Variants in C14orf132 observed in about 807,000 individuals in gnomAD.
C14orf132 encodes the protein chromosome 14 open reading frame 132, also known as uncharacterized protein C14orf132.
C14orf132 carries 6 observed loss-of-function variants against 5.8 expected under a neutral mutation model. The observed-to-expected ratio is 1.03, with a 90% CI of 0.57 to 2.04. The LOEUF is 2.04. C14orf132 is among the 30% of genes most tolerant of loss of function. The pLI is 0.00. For missense variants in C14orf132, 125 were observed against 115.8 expected (o/e 1.08, Z -0.37); for synonymous variants, 51 against 49.8 (o/e 1.02, Z -0.10).
chr14:96,043,138 G>A (rs1220808102), intron 1 of C14orf132, among the ~76,000 whole-genome samples: 1 of 152,182 alleles, frequency 6.6e-6, no homozygotes, highest in Non-Finnish European at 1.5e-5. Flanking sequence ...ACTGTCCTTG[G>A]TGAAGAGAAA....
rs374719614 is a variant in C14orf132, at chr14:96,054,329, G to A, written c.27+14802G>A. 5.3e-5 allele frequency among the ~76,000 whole-genome samples: 8 copies of A among 152,276 alleles called. 1 individual carries two copies. The highest frequency in any genetic ancestry group is 1.9e-4 in the African/African-American group (8 of 41,566). On this transcript the variant is annotated intron_variant, in intron 1 of 1. Transcript: ENST00000555004. ...AATCACGTCATGGTCCCCAGCCACG[G>A]CATTCTCATTTGTGCAGTGCACTGA...
chr14:96,068,276 T>A (rs1887593164), intron 1 of C14orf132, among the ~76,000 whole-genome samples: 1 of 152,190 alleles, frequency 6.6e-6, no homozygotes, highest in African/African-American at 2.4e-5. Context: ...AGGCCAGTTC[T>A]CTGCAGGATG....
chr14:96,072,285 G>T (rs1887734687), intron 1 of C14orf132, among the ~76,000 whole-genome samples: 1 of 152,182 alleles, frequency 6.6e-6, no homozygotes, highest in Non-Finnish European at 1.5e-5. Context: ...TAAAATCTTG[G>T]CGCTGTAGAA....
rs765597934 is a variant in C14orf132 at position 96,053,571 on chromosome 14, C to A, written c.27+14044C>A. 5.6e-4 allele frequency among the ~76,000 whole-genome samples: 85 copies of A among 152,234 alleles called. 1 individual carries two copies. Among genetic ancestry groups the A allele is most frequent in the Non-Finnish European group, 5.7e-4 (39 of 68,044 alleles). On this transcript the variant is annotated intron_variant, in intron 1 of 1. Coordinates refer to ENST00000555004, the MANE Select transcript of C14orf132 (RefSeq NM_001252507.3). ...TGGGCTGGCCAGACTCAGCAAGGAG[C>A]AGGCAGGCCCCCTCCTCTTCTGTGG...
intron 1 of C14orf132, among the ~76,000 whole-genome samples, chr14:96,058,987 C>T (rs987029778): frequency 3.9e-5 from 6 of 152,242 alleles, no homozygotes; most frequent in Non-Finnish European, 8.8e-5. Flanking sequence ...CCAGGCTGGG[C>T]GCAGTGGCTC....
chr14:96,052,460 G>A (rs1887057983), intron 1 of C14orf132, among the ~76,000 whole-genome samples: 1 of 152,208 alleles, frequency 6.6e-6, no homozygotes, highest in Non-Finnish European at 1.5e-5. Context: ...CCTCCCTTCC[G>A]AGGTTCCCTT....
chr14:96,071,815 GTGCCCTGCCAGGGC>G (rs1938190410), intron 1 of C14orf132, among the ~76,000 whole-genome samples: 1 of 152,212 alleles, frequency 6.6e-6, no homozygotes, highest in African/African-American at 2.4e-5. Context: ...GGCACACAGG[GTGCCCTGCCAGGGC>G]TGGTGGACAT....
intron 1 of C14orf132, 54 bp from the exon 2 acceptor site, chr14:96,086,457 A>G: frequency 2.7e-6 from 4 of 1,482,764 alleles, no homozygotes; most frequent in Non-Finnish European, 3.6e-6. Context: ...TTTGCAGGGT[A>G]CATCTGCCCA....
At chr14:96,066,497 A>G (rs1386695920) in intron 1 of C14orf132, among the ~76,000 whole-genome samples, 4 of 152,216 alleles carry the variant, frequency 2.6e-5, no homozygotes, top group Non-Finnish European at 4.4e-5. Context: ...CATGTCGGAC[A>G]CACAGAAAAT....
intron 1 of C14orf132, among the ~76,000 whole-genome samples, chr14:96,062,240 G>T (rs923527959): frequency 1.3e-5 from 2 of 152,098 alleles, no homozygotes; most frequent in Admixed American, 6.5e-5. Context: ...GCCCACTAGG[G>T]TGTTGAACCA....
chr14:96,048,060 C>T (rs1160157844), intron 1 of C14orf132, among the ~76,000 whole-genome samples: 2 of 152,016 alleles, frequency 1.3e-5, no homozygotes, highest in Non-Finnish European at 2.9e-5. Context: ...TGGTGGTGGG[C>T]GCCTGTAATC....
At chr14:96,069,991 C>G (rs567618280) in intron 1 of C14orf132, among the ~76,000 whole-genome samples, 2 of 152,330 alleles carry the variant, frequency 1.3e-5, no homozygotes, top group East Asian at 3.9e-4. Flanking sequence ...ACAGAGCATG[C>G]TGTTGTCCTG....
rs550032748 is a variant in C14orf132, at chr14:96,039,441, C to T, written c.-60C>T. The T allele has an allele frequency of 1.7e-4, 249 of 1,462,522 alleles. No homozygotes were observed. The highest frequency in any genetic ancestry group is 8.8e-4 in the Admixed American group (40 of 45,464). 90.6% of individuals were successfully genotyped at this position (1,462,522 alleles called of 1,614,324 possible). On this transcript the variant is annotated 5_prime_UTR_variant, in exon 1 of 2. Transcript: ENST00000555004. This position sits in a 1 kb window ranked among gnomAD's most constrained non-coding sequence, Gnocchi z 5.3. ...GCCCGATCCCCGCCAACTGTGCAGGCGGCTGACCCGCAGCGGCAGCGGCAG... is the reference window on the plus strand; with the variant it reads ...GCCCGATCCCCGCCAACTGTGCAGGTGGCTGACCCGCAGCGGCAGCGGCAG...
intron 1 of C14orf132, among the ~76,000 whole-genome samples, chr14:96,078,953 A>G (rs1887955592): frequency 6.6e-6 from 1 of 152,370 alleles, no homozygotes; most frequent in Non-Finnish European, 1.5e-5. Flanking sequence ...GTCAGAGGAC[A>G]TTTATGAGGG....
intron 1 of C14orf132, among the ~76,000 whole-genome samples, chr14:96,056,621 A>G (rs892555031): frequency 6.6e-6 from 1 of 152,140 alleles, no homozygotes; most frequent in Admixed American, 6.5e-5. Context: ...TGTAAGGATT[A>G]GGTAAGGCCA....
At chr14:96,067,925 C>T (rs1392576884) in intron 1 of C14orf132, among the ~76,000 whole-genome samples, 1 of 152,096 alleles carries the variant, frequency 6.6e-6, no homozygotes, top group Non-Finnish European at 1.5e-5. Flanking sequence ...CCTGTGTCCT[C>T]GCCTGTCAAA....
At chr14:96,069,967 C>T (rs1205409322) in intron 1 of C14orf132, among the ~76,000 whole-genome samples, 4 of 152,188 alleles carry the variant, frequency 2.6e-5, no homozygotes, top group South Asian at 2.1e-4. Context: ...TCCAAGACCC[C>T]GTGGAGGAAA....
chr14:96,064,363 T>TACACACAC (rs148402921), intron 1 of C14orf132, among the ~76,000 whole-genome samples: 138 of 135,862 alleles, frequency 1.0e-3, no homozygotes, highest in African/African-American at 2.8e-3. Flanking sequence ...GGTGCATATA[T>TACACACAC]ACACACACAC....
rs73343425 is a variant in C14orf132, at chr14:96,068,414, C to T, written c.28-18097C>T. Among the ~76,000 whole-genome samples the T allele has an allele frequency of 2.5e-3, 385 of 152,240 alleles. 2 individuals are homozygous for T. The highest frequency in any genetic ancestry group is 8.7e-3 in the African/African-American group (363 of 41,522). On this transcript the variant is annotated intron_variant, in intron 1 of 1. Coordinates refer to ENST00000555004, the MANE Select transcript of C14orf132 (RefSeq NM_001252507.3). ...GATCTTAGGCGGGGTGCTCCGTGCC[C>T]GTCCAGCGGGCACTCACTGCAGATT... is the stretch of plus-strand genomic sequence containing the variant.
Sources: gnomAD v4.1 joint callset for allele counts (sites outside exome capture counted in the v4.1 genomes callset) on GRCh38, gnomAD v4.1.1 for gene constraint, Gnocchi (gnomAD v3.1) non-coding constraint, MANE v1.5 for transcripts, NCBI Gene and HGNC (gene_info 2026-07-23, HGNC 2026-07-21) for gene names.